ANO3: variants seen among roughly 807,000 people sequenced by gnomAD.
ANO3 encodes anoctamin 3.
Under a neutral mutation model 144.8 loss-of-function variants are expected in ANO3, and 99 were observed. That is an observed-to-expected ratio of 0.68 (90% CI 0.58 to 0.81). The LOEUF is 0.81. ANO3 is among the 30% of genes least tolerant of loss of function. The pLI, the probability that ANO3 is intolerant of heterozygous loss-of-function variation, is 0.00. For missense variants in ANO3, 905 were observed against 1,202.2 expected, an observed-to-expected ratio of 0.75 and a Z score of 3.66; for synonymous variants, 414 against 392.6, an observed-to-expected ratio of 1.05 and a Z score of -0.64.
chr11:26,358,024 T>C (rs1262103094), intron 1 of ANO3, among the ~76,000 whole-genome samples: 2 of 152,200 alleles, frequency 1.3e-5, no homozygotes, highest in East Asian at 1.9e-4. Context: ...TCTGTTTCAT[T>C]AGTCTACTTG....
intron 1 of ANO3, among the ~76,000 whole-genome samples, chr11:26,319,026 G>C (rs982393765): frequency 6.6e-6 from 1 of 152,018 alleles, no homozygotes; most frequent in African/African-American, 2.4e-5. Context: ...GCCCAGGCTG[G>C]AGTGGAATGT....
At chr11:26,501,290 A>T (rs547824577) in intron 4 of ANO3, among the ~76,000 whole-genome samples, 1 of 152,252 alleles carries the variant, frequency 6.6e-6, no homozygotes, top group South Asian at 2.1e-4. Context: ...CAGTCTTCTG[A>T]GCAGGCCAGA....
intron 4 of ANO3, among the ~76,000 whole-genome samples, chr11:26,505,570 G>A (rs1861392687): frequency 6.6e-6 from 1 of 152,176 alleles, no homozygotes; most frequent in African/African-American, 2.4e-5. Flanking sequence ...GAGAGAACGA[G>A]TGACCACTTA....
intron 1 of ANO3, among the ~76,000 whole-genome samples, chr11:26,261,510 C>T (rs1841572): frequency 0.19 from 28,615 of 152,090 alleles, 2,790 homozygotes; most frequent in African/African-American, 0.25. Context: ...GTTCTTCCCA[C>T]TGTATAAATT....
intron 21 of ANO3, among the ~76,000 whole-genome samples, chr11:26,641,657 G>T (rs1444618356): frequency 1.3e-5 from 2 of 152,042 alleles, no homozygotes; most frequent in Non-Finnish European, 1.5e-5. Context: ...GTTCTGGAAG[G>T]CTGGGGCCTA....
At chr11:26,220,248 A>C (rs1049833033) in intron 1 of ANO3, among the ~76,000 whole-genome samples, 22 of 152,214 alleles carry the variant, frequency 1.4e-4, no homozygotes, top group African/African-American at 5.3e-4. Context: ...CCTTGGTGCA[A>C]CACCCTTAAG....
intron 11 of ANO3, among the ~76,000 whole-genome samples, chr11:26,546,517 T>C (rs911794877): frequency 2.0e-5 from 3 of 151,984 alleles, no homozygotes; most frequent in Non-Finnish European, 4.4e-5. Flanking sequence ...CCCATCTTTA[T>C]TGCAGGAACA....
intron 1 of ANO3, among the ~76,000 whole-genome samples, chr11:26,365,673 A>C (rs541138833): frequency 6.0e-4 from 91 of 152,246 alleles, no homozygotes; most frequent in African/African-American, 2.2e-3. Context: ...GACGCCTTTG[A>C]GCTGAGGCTG....
chr11:26,332,368 C>G lies in ANO3; in HGVS notation c.46+47C>G, dbSNP rs747053626. 7.6e-5 allele frequency: 121 copies of G among 1,590,616 alleles called. 2 individuals are homozygous for G. In the South Asian group the frequency reaches 8.9e-4, roughly 12 times the overall value. On this transcript the variant is annotated intron_variant, in intron 1 of 26. Coordinates refer to ENST00000256737, the MANE Select transcript of ANO3 (RefSeq NM_031418.4). ...CTCTCCCTGCGGGCGTCACTTCCCC[C>G]CTGCATGCCCTTGCAGTTGTGTAGG...
intron 20 of ANO3, among the ~76,000 whole-genome samples, chr11:26,637,937 CAAAGTTTTCAAGTAA>C (rs1005045049): frequency 6.6e-6 from 1 of 152,106 alleles, no homozygotes; most frequent in Non-Finnish European, 1.5e-5. Flanking sequence ...TTGAATACTG[CAAAGTTTTCAAGTAA>C]AACACATCGG....
intron 1 of ANO3, among the ~76,000 whole-genome samples, chr11:26,434,198 T>C (rs767193803): frequency 6.6e-6 from 1 of 152,154 alleles, no homozygotes; most frequent in African/African-American, 2.4e-5. Context: ...GTTTTCCAGT[T>C]TGTGTGCCTA....
At chr11:26,442,154 T>G (rs781234814) in intron 2 of ANO3, 42 bp downstream of exon 2, 1 of 1,579,244 alleles carries the variant, frequency 6.3e-7, no homozygotes. Context: ...TTATAAAAAC[T>G]ACGTGTTTTC....
upstream of ANO3, among the ~76,000 whole-genome samples, chr11:26,308,279 G>T (rs1043731272): frequency 6.6e-6 from 1 of 152,096 alleles, no homozygotes; most frequent in Non-Finnish European, 1.5e-5. Context: ...CACATACTGG[G>T]TCTCAGTTTG....
Position 26,604,008 on chromosome 11 carries a change from C to T in ANO3, c.1836+4294C>T, listed in dbSNP as rs575777468. Among the ~76,000 whole-genome samples the T allele has an allele frequency of 5.9e-5, 9 of 152,214 alleles. No individual in the cohort carries two copies. In the East Asian group the frequency reaches 1.7e-3, roughly 29 times the overall value. On this transcript the variant is annotated intron_variant, in intron 17 of 26. Transcript: ENST00000256737. The stretch of plus-strand genomic sequence containing the variant: ...TGTAATGTAAAATACCTAAGTGTTA[C>T]ACAATGTCACCCTACTGTGCAGTAG...
chr11:26,194,912 T>C (rs1851555134), intron 1 of ANO3, among the ~76,000 whole-genome samples: 1 of 152,176 alleles, frequency 6.6e-6, no homozygotes. Context: ...GATACAGGCA[T>C]ACAATGCATA....
intron 4 of ANO3, among the ~76,000 whole-genome samples, chr11:26,479,214 T>G (rs931289591): frequency 6.6e-6 from 1 of 152,190 alleles, no homozygotes; most frequent in Admixed American, 6.5e-5. Context: ...GGACTTAAAA[T>G]TTTTTTGTTA....
chr11:26,552,459 A>C (rs989327639), intron 12 of ANO3, among the ~76,000 whole-genome samples: 6 of 152,098 alleles, frequency 3.9e-5, no homozygotes, highest in Non-Finnish European at 8.8e-5. Flanking sequence ...GAGTTAATTC[A>C]GGGGATACTA....
chr11:26,247,157 C>T (rs1852815766), intron 1 of ANO3, among the ~76,000 whole-genome samples: 1 of 152,110 alleles, frequency 6.6e-6, no homozygotes, highest in Non-Finnish European at 1.5e-5. Flanking sequence ...AAATGTCTTT[C>T]CTCACACTGA....
At chr11:26,622,916 C>T (rs1852463014) in intron 17 of ANO3, among the ~76,000 whole-genome samples, 2 of 152,184 alleles carry the variant, frequency 1.3e-5, no homozygotes, top group African/African-American at 2.4e-5. Flanking sequence ...GTGCTAGAGG[C>T]ATAGTGGGTG....
Sources: allele counts gnomAD v4.1 joint callset (sites outside exome capture counted in the v4.1 genomes callset), GRCh38; gene constraint gnomAD v4.1.1; transcripts MANE v1.5; gene names NCBI Gene and HGNC (gene_info 2026-07-23, HGNC 2026-07-21).